The following RALGAPA2 variants were observed in gnomAD, a reference collection of about 807,000 sequenced individuals.
The protein encoded by RALGAPA2 is ral GTPase-activating protein subunit alpha-2.
RALGAPA2 carries 139 observed loss-of-function variants against 230.4 expected under a neutral mutation model. The ratio of observed to expected loss-of-function variants is 0.60; its 90% CI spans 0.53 to 0.69. RALGAPA2 has a LOEUF of 0.69. RALGAPA2 is among the 30% of genes least tolerant of loss of function. The pLI, the probability that RALGAPA2 is intolerant of heterozygous loss-of-function variation, is 0.00. For missense variants in RALGAPA2, 2,163 were observed against 2,276.0 expected (o/e 0.95, Z 1.01); for synonymous variants, 847 against 837.8 (o/e 1.01, Z -0.19).
intron 9 of RALGAPA2, among the ~76,000 whole-genome samples, chr20:20,633,975 C>A (rs986324929): frequency 5.9e-5 from 9 of 152,276 alleles, no homozygotes; most frequent in African/African-American, 1.9e-4. Context: ...TGCAGGATTG[C>A]AGATTTGATT....
intron 20 of RALGAPA2, among the ~76,000 whole-genome samples, chr20:20,581,920 T>G (rs1043228924): frequency 6.6e-6 from 1 of 152,166 alleles, no homozygotes; most frequent in Non-Finnish European, 1.5e-5. Context: ...TCTTAACATG[T>G]TACTTTGTGG....
At chr20:20,496,601 A>T (rs2062212211) in intron 35 of RALGAPA2, among the ~76,000 whole-genome samples, 1 of 152,204 alleles carries the variant, frequency 6.6e-6, no homozygotes, top group Admixed American at 6.5e-5. Flanking sequence ...CTAAATTCAG[A>T]AGCAGTTTAA....
chr20:20,659,709 G>A, intron 3 of RALGAPA2: 1 of 534,556 alleles, frequency 1.9e-6, no homozygotes, highest in Non-Finnish European at 3.3e-6. Flanking sequence ...GCAGCGAGAG[G>A]ATGAACAAGT....
intron 36 of RALGAPA2, among the ~76,000 whole-genome samples, chr20:20,487,239 TC>T (rs1469065970): frequency 1.3e-5 from 2 of 152,250 alleles, no homozygotes; most frequent in African/African-American, 4.8e-5. Context: ...CTTCTTGTTT[TC>T]TATAGCTGTA....
rs552468060 is a variant in RALGAPA2, at chr20:20,689,156, C to G, written c.107-8355G>C. ...CCTCCTCAGCACTAAAATTTTTAAACTTGTTGATATATTTTAAGTGAATTT... is the reference window on the plus strand; with the variant it reads ...CCTCCTCAGCACTAAAATTTTTAAAGTTGTTGATATATTTTAAGTGAATTT... On this transcript the variant is annotated intron_variant, in intron 1 of 39. Transcript: ENST00000202677. Among the ~76,000 whole-genome samples, 4 of 152,234 alleles carry G rather than the reference C, an allele frequency of 2.6e-5. No individual in the cohort carries two copies. The South Asian group carries it at 8.3e-4, about 32-fold the overall frequency.
In RALGAPA2 at chr20:20,546,741, G is replaced by A. The variant is rs201538599; in HGVS notation, c.3248C>T (p.Thr1083Met). The A allele has an allele frequency of 1.6e-5, 26 of 1,611,548 alleles. No homozygotes were observed. Among genetic ancestry groups the A allele is most frequent in the South Asian group, 7.7e-5 (7 of 90,714 alleles). ...TGTGCTAAGGACCCTGGCAGCGGCC[G>A]TGATGAAGTCCCCCACCAGCATTGA... is the stretch of plus-strand genomic sequence containing the variant. ...GFSMLVGDFITAAARVLSTDI... is the reference protein window; with the variant it reads ...GFSMLVGDFIMAAARVLSTDI... Residue 1083 changes from threonine (T) to methionine (M), a missense_variant, in exon 24 of 40, where the codon ACG becomes ATG. Physicochemically the swap from Thr to Met is moderately conservative, Grantham distance 81. Coordinates refer to ENST00000202677, the MANE Select transcript of RALGAPA2 (RefSeq NM_020343.4).
chr20:20,616,440 A>G (rs2066144094), intron 12 of RALGAPA2, among the ~76,000 whole-genome samples: 1 of 152,218 alleles, frequency 6.6e-6, no homozygotes, highest in Non-Finnish European at 1.5e-5. Flanking sequence ...AATCACTATT[A>G]CATATTAATT....
chr20:20,679,811 C>G (rs1450478354), intron 2 of RALGAPA2, among the ~76,000 whole-genome samples: 1 of 152,214 alleles, frequency 6.6e-6, no homozygotes, highest in African/African-American at 2.4e-5. Context: ...CCAAGAACCA[C>G]AGAATTCTGT....
chr20:20,593,003 G>A (rs1273117384), intron 16 of RALGAPA2, among the ~76,000 whole-genome samples: 2 of 151,598 alleles, frequency 1.3e-5, no homozygotes, highest in Non-Finnish European at 1.5e-5. Flanking sequence ...CTGCACACTC[G>A]ACCCCCCTGG....
chr20:20,596,678 A>G (rs1322416909), intron 16 of RALGAPA2, among the ~76,000 whole-genome samples: 1 of 152,246 alleles, frequency 6.6e-6, no homozygotes, highest in East Asian at 1.9e-4. Context: ...ACTATACTCT[A>G]AAGTTCTTTC....
intron 26 of RALGAPA2, among the ~76,000 whole-genome samples, chr20:20,533,304 A>G (rs2063414382): frequency 6.6e-6 from 1 of 152,228 alleles, no homozygotes; most frequent in East Asian, 1.9e-4. Context: ...ATAGACATCT[A>G]AAAGAAGACT....
intron 30 of RALGAPA2, among the ~76,000 whole-genome samples, chr20:20,521,936 T>G (rs1476282384): frequency 6.6e-6 from 1 of 152,228 alleles, no homozygotes; most frequent in Non-Finnish European, 1.5e-5. Context: ...CCTTTGTAAA[T>G]AAGTACCAAG....
At position 20,494,112 on chromosome 20, in the gene RALGAPA2, G is replaced by A. The variant is rs149375601; in HGVS notation, c.5367+1005C>T. Among the ~76,000 whole-genome samples the A allele has an allele frequency of 2.1e-3, 313 of 152,224 alleles. 1 individual carries two copies. The highest frequency in any genetic ancestry group is 7.1e-3 in the African/African-American group (293 of 41,520). ...TAACACTTAAGTAGCTTTTACTCTG[G>A]ACCAGGCACTGTTTGAAGCACTTTC... On this transcript the variant is annotated intron_variant, in intron 36 of 39. Transcript: ENST00000202677.
intron 18 of RALGAPA2, 67 bp downstream of exon 18, chr20:20,589,201 T>G: frequency 6.9e-7 from 1 of 1,446,830 alleles, no homozygotes; most frequent in Admixed American, 2.6e-5. Context: ...ACCAATAAAT[T>G]TACTTACTGA....
chr20:20,593,061 G>A (rs1181000865), intron 16 of RALGAPA2, among the ~76,000 whole-genome samples: 2 of 152,128 alleles, frequency 1.3e-5, no homozygotes, highest in African/African-American at 4.8e-5. Flanking sequence ...GGGAGTTCTG[G>A]TGCACACCAC....
In RALGAPA2 at chr20:20,619,297, C is replaced by T. The variant is rs1366495521; in HGVS notation, c.1519G>A (p.Gly507Ser). The T allele has an allele frequency of 1.1e-5, 18 of 1,607,604 alleles. No individual in the cohort carries two copies. The highest frequency in any genetic ancestry group is 1.7e-4 in the Middle Eastern group (1 of 6,056). Residue 507 changes from glycine (G) to serine (S), a missense_variant, in exon 12 of 40, where the codon GGC (glycine) becomes AGC (serine). By Grantham distance (56) the Gly-to-Ser change is moderately conservative. Coordinates refer to ENST00000202677, the MANE Select transcript of RALGAPA2 (RefSeq NM_020343.4). ...CATACCTGCAACAAAGCCTGGACGCCGGCTTTCACATTTGTATTTTCCTCC... is the reference window on the plus strand; with the variant it reads ...CATACCTGCAACAAAGCCTGGACGCTGGCTTTCACATTTGTATTTTCCTCC... The part of the protein sequence containing the change: ...TEEENTNVKA[G>S]VQALLQVFLT...
At chr20:20,689,108 G>C (rs2068807049) in intron 1 of RALGAPA2, among the ~76,000 whole-genome samples, 1 of 152,070 alleles carries the variant, frequency 6.6e-6, no homozygotes. Flanking sequence ...TGTTATGTAA[G>C]AAAAATCTGA....
chr20:20,438,441 T>G (rs940671626), intron 37 of RALGAPA2, among the ~76,000 whole-genome samples: 1 of 152,230 alleles, frequency 6.6e-6, no homozygotes, highest in African/African-American at 2.4e-5. Flanking sequence ...TTCTGAGAAG[T>G]GCAAGACATC....
At chr20:20,593,142 G>C (rs1486510658) in intron 16 of RALGAPA2, among the ~76,000 whole-genome samples, 1 of 152,198 alleles carries the variant, frequency 6.6e-6, no homozygotes, top group Non-Finnish European at 1.5e-5. Context: ...GTCTCAAGTA[G>C]TCCGCCCACC....
Sources: gnomAD v4.1 joint callset for allele counts (sites outside exome capture counted in the v4.1 genomes callset) on GRCh38, gnomAD v4.1.1 for gene constraint, MANE v1.5 for transcripts, NCBI Gene and HGNC (gene_info 2026-07-23, HGNC 2026-07-21) for gene names.